Variants in MYO3B observed in about 807,000 individuals in gnomAD.
MYO3B encodes myosin IIIB, also known as myosin-IIIb.
In MYO3B, 156 loss-of-function variants were observed where a neutral mutation model predicts 174.6. The observed-to-expected ratio is 0.89, with a 90% CI of 0.78 to 1.02. The LOEUF (loss-of-function observed/expected upper bound fraction) is 1.02. Ranked by LOEUF, MYO3B falls within the 50% of genes least tolerant of loss-of-function variation. MYO3B has a pLI of 0.00. For missense variants in MYO3B, 1,632 were observed against 1,639.4 expected (o/e 1.00, Z 0.08); for synonymous variants, 563 against 569.1 (o/e 0.99, Z 0.15).
At chr2:170,403,602 T>C (rs1461610845) in intron 19 of MYO3B, among the ~76,000 whole-genome samples, 1 of 152,236 alleles carries the variant, frequency 6.6e-6, no homozygotes, top group Non-Finnish European at 1.5e-5. Flanking sequence ...ACCTTAAGAC[T>C]CTCTTCTGTA....
At chr2:170,480,027 A>ATG (rs1179533774) in intron 25 of MYO3B, among the ~76,000 whole-genome samples, 3 of 104,312 alleles carry the variant, frequency 2.9e-5, no homozygotes, top group Non-Finnish European at 6.5e-5. Context: ...AAACCTATAT[A>ATG]TATGTGTGTG....
At chr2:170,343,672 A>G (rs544717661) in intron 8 of MYO3B, 2 of 152,400 alleles carry the variant, frequency 1.3e-5, no homozygotes, top group East Asian at 3.9e-4. Context: ...GAGAGAGAAG[A>G]GTTAAACATG....
chr2:170,422,977 C>CTTTTT (rs34882424), intron 22 of MYO3B, among the ~76,000 whole-genome samples: 3,542 of 88,422 alleles, frequency 0.04, 323 homozygotes, highest in African/African-American at 0.045. Flanking sequence ...TTCTTTCTTT[C>CTTTTT]TTTTTTTTTT....
chr2:170,492,161 T>C (rs1686531010), intron 25 of MYO3B, among the ~76,000 whole-genome samples: 1 of 152,222 alleles, frequency 6.6e-6, no homozygotes, highest in African/African-American at 2.4e-5. Flanking sequence ...TCTATTGTCC[T>C]ATGAATTATG....
At chr2:170,600,043 C>CT (rs1694412288) in intron 32 of MYO3B, among the ~76,000 whole-genome samples, 1 of 151,738 alleles carries the variant, frequency 6.6e-6, no homozygotes, top group African/African-American at 2.4e-5. Context: ...AGTGATGGCT[C>CT]TGGGAAGGCA....
chr2:170,540,887 A>G (rs1368313319), intron 30 of MYO3B, among the ~76,000 whole-genome samples: 1 of 152,180 alleles, frequency 6.6e-6, no homozygotes, highest in African/African-American at 2.4e-5. Context: ...CTCATTGAAC[A>G]TATTATTAAA....
chr2:170,194,669 G>A (rs1473468915), intron 1 of MYO3B, among the ~76,000 whole-genome samples: 2 of 152,110 alleles, frequency 1.3e-5, no homozygotes, highest in African/African-American at 2.4e-5. Flanking sequence ...GTTCTCTAGA[G>A]GGACAGAACT....
At chr2:170,191,704 T>C (rs1300439314) in intron 1 of MYO3B, among the ~76,000 whole-genome samples, 2 of 152,096 alleles carry the variant, frequency 1.3e-5, no homozygotes, top group South Asian at 2.1e-4. Flanking sequence ...GGCTGGGAGA[T>C]TGGGGGAAGG....
intron 32 of MYO3B, among the ~76,000 whole-genome samples, chr2:170,564,154 G>A (rs1392201757): frequency 6.6e-6 from 1 of 152,176 alleles, no homozygotes; most frequent in Non-Finnish European, 1.5e-5. Context: ...GGCAAGAGAA[G>A]GACCACTTAG....
At chr2:170,432,676 G>A (rs144178549) in intron 22 of MYO3B, among the ~76,000 whole-genome samples, 2,023 of 151,498 alleles carry the variant, frequency 0.013, 44 homozygotes, top group African/African-American at 0.044. Flanking sequence ...TCCCGGGTTC[G>A]CACCATTCTC....
chr2:170,637,551 A>G (rs1697623488), intron 32 of MYO3B, among the ~76,000 whole-genome samples: 1 of 152,154 alleles, frequency 6.6e-6, no homozygotes, highest in African/African-American at 2.4e-5. Flanking sequence ...AGTCCAGTGG[A>G]GAAATTCAGA....
At chr2:170,623,814 C>T (rs1696150974) in intron 32 of MYO3B, among the ~76,000 whole-genome samples, 1 of 152,192 alleles carries the variant, frequency 6.6e-6, no homozygotes, top group Non-Finnish European at 1.5e-5. Flanking sequence ...TTCCCAGCAC[C>T]ATTTGTTAAA....
intron 7 of MYO3B, among the ~76,000 whole-genome samples, chr2:170,285,734 C>T (rs192866109): frequency 3.2e-4 from 49 of 151,370 alleles, no homozygotes; most frequent in Non-Finnish European, 4.4e-4. Flanking sequence ...TCAAATTTCT[C>T]GATCTTTTTA....
intron 7 of MYO3B, among the ~76,000 whole-genome samples, chr2:170,249,127 A>G (rs1420075181): frequency 1.3e-5 from 2 of 152,154 alleles, no homozygotes; most frequent in African/African-American, 2.4e-5. Context: ...TGGGTGCCAA[A>G]GCACTGGTTT....
intron 32 of MYO3B, among the ~76,000 whole-genome samples, chr2:170,600,298 G>A (rs933814351): frequency 2.0e-5 from 3 of 151,980 alleles, no homozygotes; most frequent in East Asian, 1.9e-4. Context: ...TTATAAGAAC[G>A]CTATTTTAGA....
At chr2:170,288,017 A>T (rs2093569271) in intron 7 of MYO3B, among the ~76,000 whole-genome samples, 1 of 152,130 alleles carries the variant, frequency 6.6e-6, no homozygotes, top group South Asian at 2.1e-4. Flanking sequence ...CCTTTGTCAA[A>T]GATGAGCTGA....
At chr2:170,592,704 A>G (rs891584273) in intron 32 of MYO3B, among the ~76,000 whole-genome samples, 1 of 152,136 alleles carries the variant, frequency 6.6e-6, no homozygotes, top group African/African-American at 2.4e-5. Context: ...CATTCTCTTT[A>G]GTGAAGTATC....
intron 14 of MYO3B, among the ~76,000 whole-genome samples, chr2:170,388,270 G>A (rs1194041504): frequency 1.3e-5 from 2 of 152,144 alleles, no homozygotes; most frequent in East Asian, 1.9e-4. Flanking sequence ...CAGTAGGGGA[G>A]GATCACAGGC....
At chr2:170,543,576 T>C (rs891950673) in intron 31 of MYO3B, among the ~76,000 whole-genome samples, 2 of 152,188 alleles carry the variant, frequency 1.3e-5, no homozygotes, top group Non-Finnish European at 2.9e-5. Context: ...AGATAAAAAA[T>C]AAGTATAGGT....
Sources: gnomAD v4.1 joint callset for allele counts (sites outside exome capture counted in the v4.1 genomes callset) on GRCh38, gnomAD v4.1.1 for gene constraint, MANE v1.5 for transcripts, NCBI Gene and HGNC (gene_info 2026-07-23, HGNC 2026-07-21) for gene names.